Variants in AVEN observed in about 807,000 individuals in gnomAD.
AVEN encodes cell death regulator Aven.
Under a neutral mutation model 38.1 loss-of-function variants are expected in AVEN, and 41 were observed. The observed-to-expected ratio is 1.08, with a 90% CI of 0.84 to 1.40. The LOEUF is 1.40. Ranked by LOEUF, AVEN falls within the 40% of genes most tolerant of loss-of-function variation. AVEN has a pLI of 0.00. For synonymous variants in AVEN, 206 were observed against 171.8 expected, an observed-to-expected ratio of 1.20 and a Z score of -1.56; for missense variants, 605 against 438.8, an observed-to-expected ratio of 1.38 and a Z score of -3.38.
chr15:33,867,032 G>C (rs1455403606), intron 5 of AVEN, among the ~76,000 whole-genome samples: 2 of 152,048 alleles, frequency 1.3e-5, no homozygotes, highest in African/African-American at 4.8e-5. Flanking sequence ...ATACATGCAT[G>C]TGGCAATCAC....
At chr15:33,994,235 C>A (rs563015455) in intron 2 of AVEN, among the ~76,000 whole-genome samples, 1 of 152,306 alleles carries the variant, frequency 6.6e-6, no homozygotes, top group African/African-American at 2.4e-5. Flanking sequence ...CAGCAGCATT[C>A]GATTCTCATA....
At chr15:33,936,302 G>A (rs562396588) in intron 2 of AVEN, among the ~76,000 whole-genome samples, 1 of 152,290 alleles carries the variant, frequency 6.6e-6, no homozygotes, top group African/African-American at 2.4e-5. Context: ...CAGACAAACT[G>A]CAAGGATTAA....
intron 2 of AVEN, among the ~76,000 whole-genome samples, chr15:33,940,448 G>A (rs1408597668): frequency 2.0e-5 from 3 of 152,122 alleles, no homozygotes; most frequent in Admixed American, 6.5e-5. Context: ...GTACTGCGTC[G>A]CCAAGTACCT....
At chr15:34,038,738 C>A in intron 1 of AVEN, 42 bp downstream of exon 1, 1 of 1,140,848 alleles carries the variant, frequency 8.8e-7, no homozygotes, top group Non-Finnish European at 1.1e-6. Context: ...CCACTTGCCC[C>A]AGTTACACGC....
Position 33,875,984 on chromosome 15 carries a change from A to C in AVEN, c.457T>G (p.Ser153Ala), listed in dbSNP as rs754404649. The change falls in exon 3 of 6, where the codon TCA (serine) becomes GCA (alanine). Residue 153 changes from serine (S) to alanine (A), a missense_variant. Physicochemically the swap from Ser to Ala is moderately conservative, Grantham distance 99. Coordinates refer to ENST00000306730, the MANE Select transcript of AVEN (RefSeq NM_020371.3). ...TTCTCCTCAGCAAACCGGAACTGTGAGAATGAGTCCCCTAGGAATAGGAAA... is the reference window on the plus strand; with the variant it reads ...TTCTCCTCAGCAAACCGGAACTGTGCGAATGAGTCCCCTAGGAATAGGAAA... ...VLLSSAGDSFSQFRFAEEKEW... is the reference protein window; with the variant it reads ...VLLSSAGDSFAQFRFAEEKEW... 1.6e-5 allele frequency: 26 copies of C among 1,612,842 alleles called. No individual in the cohort carries two copies. Among genetic ancestry groups the C allele is most frequent in the Admixed American group, 8.3e-5 (5 of 59,984 alleles).
intron 2 of AVEN, among the ~76,000 whole-genome samples, chr15:33,968,099 TAAAAAAAAA>T (rs71119906): frequency 9.3e-4 from 24 of 25,854 alleles, no homozygotes; most frequent in South Asian, 7.8e-3. Context: ...TAGCAAAGCT[TAAAAAAAAA>T]AAAAAAAAAA....
At position 33,971,681 on chromosome 15, in the gene AVEN, C is replaced by A. The variant is rs1198570021; in HGVS notation, c.445+31351G>T. ...GCATTAAATATATATTTACTTATAT[C>A]TTCATTATTATAACTTTAAGTTTTC... On this transcript the variant is annotated intron_variant, in intron 2 of 5. Coordinates refer to ENST00000306730, the MANE Select transcript of AVEN (RefSeq NM_020371.3). 2.0e-5 allele frequency among the ~76,000 whole-genome samples: 3 copies of A among 152,012 alleles called. No individual in the cohort carries two copies. In the South Asian group the frequency reaches 6.2e-4, roughly 32 times the overall value.
chr15:33,917,103 A>G (rs149381687), intron 2 of AVEN, among the ~76,000 whole-genome samples: 2 of 152,252 alleles, frequency 1.3e-5, no homozygotes, highest in East Asian at 3.9e-4. Flanking sequence ...ACAATTCAAG[A>G]TGAGATTTGG....
At chr15:33,888,487 T>C (rs923494679) in intron 2 of AVEN, among the ~76,000 whole-genome samples, 6 of 152,142 alleles carry the variant, frequency 3.9e-5, no homozygotes, top group African/African-American at 1.4e-4. Context: ...ATGCAGGTAC[T>C]GTGGGATGTG....
Position 34,038,938 on chromosome 15 carries a change from TG to T in AVEN, c.108del (p.Arg37GlufsTer173). ...SERPGAAAAV[A>X]RGGGGGGGGD... ...CCGCCGCCGCCTCCGCCGCCGCCTC[TG>T]GCTACCGCCGCTGCGGCTCCGGGCC... On this transcript the variant is annotated frameshift_variant, in exon 1 of 6. Transcript: ENST00000306730. LOFTEE classifies it high-confidence loss of function. 1 of 1,094,474 alleles carries T rather than the reference TG, an allele frequency of 9.1e-7. No individual in the cohort carries two copies. The highest frequency in any genetic ancestry group is 4.2e-5 in the South Asian group (1 of 23,894). 67.8% of individuals were successfully genotyped at this position (1,094,474 alleles called of 1,614,324 possible). A position where few individuals can be genotyped will look rare whatever the true frequency, so the allele number is the denominator to read the frequency against.
At chr15:34,024,472 CAAAAAA>C (rs10531898) in intron 1 of AVEN, among the ~76,000 whole-genome samples, 5 of 101,930 alleles carry the variant, frequency 4.9e-5, no homozygotes, top group Admixed American at 9.8e-5. Flanking sequence ...GACCCTGTCT[CAAAAAA>C]AAAAAAAAAA....
intron 2 of AVEN, among the ~76,000 whole-genome samples, chr15:33,937,065 T>A (rs572320): frequency 0.59 from 82,755 of 140,032 alleles, 26,066 homozygotes; most frequent in East Asian, 0.76. Flanking sequence ...CAGGAGGCGG[T>A]GCTTGCAGTG....
At chr15:33,962,919 C>CAA (rs57807791) in intron 2 of AVEN, among the ~76,000 whole-genome samples, 4 of 81,948 alleles carry the variant, frequency 4.9e-5, no homozygotes, top group East Asian at 3.2e-4. Context: ...AACTCGTTCT[C>CAA]AAAAAAAAAA....
intron 3 of AVEN, among the ~76,000 whole-genome samples, chr15:33,875,232 A>C (rs1316220644): frequency 6.6e-6 from 1 of 152,182 alleles, no homozygotes; most frequent in Non-Finnish European, 1.5e-5. Flanking sequence ...GGCAGATGGT[A>C]ATCAGTTTAT....
At chr15:34,064,169 C>T in intron 4 of AVEN, 1 of 1,614,158 alleles carries the variant, frequency 6.2e-7, no homozygotes, top group Non-Finnish European at 8.5e-7. Context: ...ATTGGTTGTG[C>T]TATGTCAATA....
chr15:33,898,519 T>C (rs1892342590), intron 2 of AVEN, among the ~76,000 whole-genome samples: 1 of 152,154 alleles, frequency 6.6e-6, no homozygotes, highest in Non-Finnish European at 1.5e-5. Context: ...GACATTCCAG[T>C]TTGTAGTTGC....
chr15:33,952,222 G>C (rs1894778652), intron 2 of AVEN, among the ~76,000 whole-genome samples: 1 of 152,126 alleles, frequency 6.6e-6, no homozygotes, highest in Non-Finnish European at 1.5e-5. Flanking sequence ...AAGTCAGCCT[G>C]TCTTCCACAT....
intron 2 of AVEN, among the ~76,000 whole-genome samples, chr15:33,911,730 T>C (rs1284703277): frequency 6.6e-6 from 1 of 152,206 alleles, no homozygotes; most frequent in Non-Finnish European, 1.5e-5. Flanking sequence ...TCATTGTGTA[T>C]ATTTGTCTAA....
chr15:33,986,819 G>A (rs1364013634), intron 2 of AVEN, among the ~76,000 whole-genome samples: 3 of 151,750 alleles, frequency 2.0e-5, no homozygotes, highest in Non-Finnish European at 4.4e-5. Flanking sequence ...ACCATGCCCA[G>A]CTAATTGTTT....
Sources: gnomAD v4.1 joint callset for allele counts (sites outside exome capture counted in the v4.1 genomes callset) on GRCh38, gnomAD v4.1.1 for gene constraint, MANE v1.5 for transcripts, NCBI Gene and HGNC (gene_info 2026-07-23, HGNC 2026-07-21) for gene names.